FYB1: variants seen among roughly 807,000 people sequenced by gnomAD.
FYB1 encodes the protein FYN-binding protein 1.
A neutral mutation model predicts 94.1 loss-of-function variants in FYB1; 41 were observed. That is an observed-to-expected ratio of 0.44 (90% CI 0.34 to 0.57). FYB1 has a LOEUF of 0.57. Ranked by LOEUF, FYB1 falls within the 20% of genes least tolerant of loss-of-function variation. FYB1 has a pLI of 0.02. For missense variants in FYB1, 1,050 were observed against 976.8 expected, an observed-to-expected ratio of 1.07 and a Z score of -1.00; for synonymous variants, 367 against 353.2, an observed-to-expected ratio of 1.04 and a Z score of -0.44.
intron 1 of FYB1, among the ~76,000 whole-genome samples, chr5:39,242,392 T>C (rs1319366344): frequency 6.6e-6 from 1 of 151,658 alleles, no homozygotes; most frequent in Non-Finnish European, 1.5e-5. Flanking sequence ...ATGTGGTGTT[T>C]GGTTATTTGT....
At chr5:39,130,511 A>G in intron 10 of FYB1, 79 bp downstream of exon 10, 1 of 1,153,264 alleles carries the variant, frequency 8.7e-7, no homozygotes, top group Non-Finnish European at 1.3e-6. Context: ...CATGTAACAA[A>G]ATAACACATG....
intron 1 of FYB1, among the ~76,000 whole-genome samples, chr5:39,262,109 G>A (rs1436982866): frequency 4.6e-5 from 7 of 152,028 alleles, no homozygotes; most frequent in Non-Finnish European, 1.0e-4. Context: ...TTCTTAAAAG[G>A]ACATCAAAAG....
At chr5:39,148,181 A>ATATATATG (rs1742905582) in intron 3 of FYB1, among the ~76,000 whole-genome samples, 4 of 84,340 alleles carry the variant, frequency 4.7e-5, no homozygotes, top group African/African-American at 9.6e-5. Flanking sequence ...ATATATATAT[A>ATATATATG]TATATATATA....
chr5:39,139,378 A>C (rs1175521324), intron 4 of FYB1, 126 bp from the exon 5 acceptor site: 1 of 808,754 alleles, frequency 1.2e-6, no homozygotes, highest in Admixed American at 3.8e-5. Context: ...TGCTTTATCA[A>C]AGATACAGAA....
At chr5:39,261,742 G>A (rs973057091) in intron 1 of FYB1, among the ~76,000 whole-genome samples, 2 of 148,780 alleles carry the variant, frequency 1.3e-5, no homozygotes, top group African/African-American at 5.1e-5. Context: ...GCGAGACTCT[G>A]TCTCAAAAAA....
In FYB1 at chr5:39,259,300, C is replaced by A. The variant is rs376349724; in HGVS notation, c.-28+15103G>T. Among the ~76,000 whole-genome samples the A allele has an allele frequency of 3.9e-5, 6 of 152,214 alleles. No homozygotes were observed. The East Asian group carries it at 1.2e-3, about 29-fold the overall frequency. ...AACTGCAGGAAACCCAGTTCCAGAA[C>A]AAGAAACCCTGGACTAAGTACAGCA... On this transcript the variant is annotated intron_variant, in intron 1 of 1. Coordinates refer to the FYB1 transcript ENST00000510188.
At chr5:39,183,859 G>T (rs909914830) in intron 2 of FYB1, among the ~76,000 whole-genome samples, 4 of 152,182 alleles carry the variant, frequency 2.6e-5, no homozygotes, top group African/African-American at 9.7e-5. Flanking sequence ...GGGCTATGGT[G>T]GTGGTGGAAT....
At chr5:39,217,467 C>T (rs1284074567) in intron 1 of FYB1, among the ~76,000 whole-genome samples, 1 of 152,180 alleles carries the variant, frequency 6.6e-6, no homozygotes, top group Admixed American at 6.5e-5. Flanking sequence ...GCAGCTTGCT[C>T]TTAAAAAACA....
rs187372591 is a variant in FYB1 at position 39,130,493 on chromosome 5, A to G, written c.1840+97T>C. On this transcript the variant is annotated intron_variant, in intron 10 of 18. Coordinates refer to ENST00000512982, the MANE Select transcript of FYB1 (RefSeq NM_001465.6). ...AAATACGCTGACTTGAACAATACAC[A>G]TTCTATGCATGTAACAAAATAACAC... is the stretch of plus-strand genomic sequence containing the variant. 32 of 940,526 alleles carry G rather than the reference A, an allele frequency of 3.4e-5. No individual in the cohort carries two copies. In the Admixed American group the frequency reaches 4.0e-4, roughly 12 times the overall value. 58.3% of individuals were successfully genotyped at this position (940,526 alleles called of 1,614,324 possible). A position where few individuals can be genotyped will look rare whatever the true frequency, so the allele number is the denominator to read the frequency against.
At chr5:39,155,250 A>G (rs1334644788) in intron 2 of FYB1, among the ~76,000 whole-genome samples, 3 of 152,140 alleles carry the variant, frequency 2.0e-5, no homozygotes, top group African/African-American at 7.2e-5. Context: ...ATTGCTGACC[A>G]TATTGCCCTC....
rs561472108 is a variant in FYB1, at chr5:39,235,761, G to A, written c.-27-32774C>T. Among the ~76,000 whole-genome samples, 4 of 152,076 alleles carry A rather than the reference G, an allele frequency of 2.6e-5. No individual in the cohort carries two copies. The South Asian group carries it at 6.2e-4, about 24-fold the overall frequency. On this transcript the variant is annotated intron_variant, in intron 1 of 1. Coordinates refer to the FYB1 transcript ENST00000510188. ...AACTATCAAACATGTATGGGAACTT[G>A]CAGCTAATATATCATCAGCTGCCAT...
intron 2 of FYB1, among the ~76,000 whole-genome samples, chr5:39,199,016 A>T (rs932785195): frequency 2.0e-5 from 3 of 151,972 alleles, no homozygotes; most frequent in African/African-American, 7.2e-5. Flanking sequence ...CATTTGTGAA[A>T]TGGGGGCGAT....
At chr5:39,232,628 A>G (rs1335868131) in intron 1 of FYB1, among the ~76,000 whole-genome samples, 1 of 151,868 alleles carries the variant, frequency 6.6e-6, no homozygotes, top group Non-Finnish European at 1.5e-5. Context: ...CAGGTTAGTT[A>G]CATATGTATA....
intron 1 of FYB1, among the ~76,000 whole-genome samples, chr5:39,247,680 T>C (rs261745): frequency 0.83 from 125,526 of 151,854 alleles, 51,927 homozygotes; most frequent in East Asian, 0.85. Flanking sequence ...TATATGTCAA[T>C]TGTGACATTT....
intron 3 of FYB1, among the ~76,000 whole-genome samples, chr5:39,152,697 A>T (rs1481044494): frequency 1.3e-5 from 2 of 152,198 alleles, no homozygotes; most frequent in Non-Finnish European, 2.9e-5. Flanking sequence ...TAAAGAGCCC[A>T]TGCATAGCAA....
intron 1 of FYB1, chr5:39,250,610 T>A (rs1751674886): frequency 6.6e-6 from 1 of 152,176 alleles, no homozygotes; most frequent in African/African-American, 2.4e-5. Flanking sequence ...TTTCTTCTTT[T>A]GGTGTTAAAT....
intron 1 of FYB1, among the ~76,000 whole-genome samples, chr5:39,247,078 A>ATG (rs1454744910): frequency 3.8e-4 from 36 of 93,770 alleles, no homozygotes; most frequent in South Asian, 8.2e-4. Context: ...GTTCATATAT[A>ATG]TATATATATA....
At chr5:39,176,370 G>A (rs1048728038) in intron 2 of FYB1, among the ~76,000 whole-genome samples, 7 of 151,626 alleles carry the variant, frequency 4.6e-5, no homozygotes, top group Non-Finnish European at 1.0e-4. Context: ...GGCTGGTCTC[G>A]AACTCCTGAC....
chr5:39,226,128 G>A (rs186634472), intron 1 of FYB1, among the ~76,000 whole-genome samples: 264 of 152,312 alleles, frequency 1.7e-3, no homozygotes, highest in Admixed American at 4.6e-3. Context: ...AATGCGAGCT[G>A]AGGATTGGCT....
Sources: allele counts gnomAD v4.1 joint callset (sites outside exome capture counted in the v4.1 genomes callset), GRCh38; gene constraint gnomAD v4.1.1; transcripts MANE v1.5; gene names NCBI Gene and HGNC (gene_info 2026-07-23, HGNC 2026-07-21).